Variants in TMEM108 observed in about 807,000 individuals in gnomAD.
TMEM108 encodes transmembrane protein 108.
Under a neutral mutation model 35.1 loss-of-function variants are expected in TMEM108, and 12 were observed. That is an observed-to-expected ratio of 0.34 (90% CI 0.22 to 0.55). The LOEUF (loss-of-function observed/expected upper bound fraction) is 0.55. TMEM108 is among the 20% of genes least tolerant of loss of function. The pLI, the probability that TMEM108 is intolerant of heterozygous loss-of-function variation, is 0.89. For synonymous variants in TMEM108, 287 were observed against 308.6 expected, an observed-to-expected ratio of 0.93 and a Z score of 0.73; for missense variants, 680 against 753.3, an observed-to-expected ratio of 0.90 and a Z score of 1.14.
At position 133,390,192 on chromosome 3, in the gene TMEM108, C is replaced by T. The variant is rs780357828; in HGVS notation, c.1463C>T (p.Thr488Met). Residue 488 changes from threonine (T) to methionine (M), a missense_variant, in exon 5 of 6, where the codon ACG (threonine) becomes ATG (methionine). By Grantham distance (81) the Thr-to-Met change is moderately conservative. Around this residue, in one of 3 missense-constraint regions of TMEM108, gnomAD observed 105 missense variants for 150.7 expected, o/e 0.70. Coordinates refer to ENST00000321871, the MANE Select transcript of TMEM108 (RefSeq NM_023943.4). ...VPISSCSVLL[T>M]VCCMKRKKKT... ...ACTCTCTCCATAGCTGTCCTGCTGA[C>T]GGTGTGCTGCATGAAGAGGAAGAAG... 9 of 1,614,030 alleles carry T rather than the reference C, an allele frequency of 5.6e-6. No homozygotes were observed. Among genetic ancestry groups the T allele is most frequent in the Admixed American group, 5.0e-5 (3 of 60,002 alleles).
At chr3:133,271,236 G>A (rs537550405) in intron 3 of TMEM108, among the ~76,000 whole-genome samples, 5 of 152,180 alleles carry the variant, frequency 3.3e-5, no homozygotes, top group Non-Finnish European at 5.9e-5. Flanking sequence ...GAGTTCTGCT[G>A]TAGAACGGAA....
intron 3 of TMEM108, among the ~76,000 whole-genome samples, chr3:133,334,819 G>A (rs1469814548): frequency 6.6e-6 from 1 of 152,122 alleles, no homozygotes; most frequent in East Asian, 1.9e-4. Context: ...GGTGTTCCTG[G>A]CATCAGGATA....
At chr3:133,260,822 A>G (rs1177190438) in intron 3 of TMEM108, among the ~76,000 whole-genome samples, 1 of 152,168 alleles carries the variant, frequency 6.6e-6, no homozygotes, top group African/African-American at 2.4e-5. Flanking sequence ...GACAAATTGG[A>G]CTAAGGTGGT....
intron 2 of TMEM108, among the ~76,000 whole-genome samples, chr3:133,111,503 A>G (rs1944223551): frequency 6.6e-6 from 1 of 152,122 alleles, no homozygotes; most frequent in African/African-American, 2.4e-5. Flanking sequence ...ATATATCTGT[A>G]TGGAGGCCCA....
At chr3:133,332,086 A>G (rs74875296) in intron 3 of TMEM108, among the ~76,000 whole-genome samples, 2,363 of 40,914 alleles carry the variant, frequency 0.058, 23 homozygotes, top group East Asian at 0.11. Flanking sequence ...GCACGTGCAC[A>G]CACACACACA....
chr3:133,096,780 T>C (rs1944020649), intron 2 of TMEM108, among the ~76,000 whole-genome samples: 1 of 152,230 alleles, frequency 6.6e-6, no homozygotes, highest in Non-Finnish European at 1.5e-5. Flanking sequence ...CAAGTATATC[T>C]AAATAATTTG....
At chr3:133,287,528 T>A (rs923125482) in intron 3 of TMEM108, among the ~76,000 whole-genome samples, 2 of 152,182 alleles carry the variant, frequency 1.3e-5, no homozygotes, top group African/African-American at 4.8e-5. Flanking sequence ...TGCCAAAAAA[T>A]GTTTTTGCTT....
chr3:133,287,055 C>G (rs1320935095), intron 3 of TMEM108, among the ~76,000 whole-genome samples: 1 of 152,136 alleles, frequency 6.6e-6, no homozygotes, highest in Non-Finnish European at 1.5e-5. Flanking sequence ...TAAAAACAGG[C>G]AGGGAGCTTG....
chr3:133,132,785 A>G (rs1398777585), intron 2 of TMEM108, among the ~76,000 whole-genome samples: 2 of 152,056 alleles, frequency 1.3e-5, no homozygotes. Context: ...CCTTCTGGAA[A>G]GGATTCAGCA....
At chr3:133,392,098 T>C (rs1288901041) in intron 5 of TMEM108, among the ~76,000 whole-genome samples, 1 of 151,324 alleles carries the variant, frequency 6.6e-6, no homozygotes, top group Non-Finnish European at 1.5e-5. Context: ...CCAACCTCTA[T>C]TCACTGGAGC....
chr3:133,131,239 G>A (rs566583007), intron 2 of TMEM108, among the ~76,000 whole-genome samples: 1 of 152,000 alleles, frequency 6.6e-6, no homozygotes, highest in Non-Finnish European at 1.5e-5. Flanking sequence ...CTCCTCTTTT[G>A]GAGATGAAAT....
intron 2 of TMEM108, among the ~76,000 whole-genome samples, chr3:133,214,879 T>C (rs530696274): frequency 2.6e-5 from 4 of 152,200 alleles, no homozygotes; most frequent in Admixed American, 1.3e-4. Flanking sequence ...ATGTTCCTTA[T>C]AAGAATCTAA....
intron 3 of TMEM108, among the ~76,000 whole-genome samples, chr3:133,270,057 T>C (rs1240465407): frequency 6.6e-6 from 1 of 152,200 alleles, no homozygotes; most frequent in African/African-American, 2.4e-5. Context: ...CTCAGCTTAA[T>C]AGGCATCATA....
At chr3:133,050,091 A>G (rs1283144231) in intron 2 of TMEM108, among the ~76,000 whole-genome samples, 1 of 152,166 alleles carries the variant, frequency 6.6e-6, no homozygotes, top group Admixed American at 6.5e-5. Flanking sequence ...AAGATGTGGA[A>G]ATATAGACAC....
chr3:133,054,089 C>G (rs777706526), intron 2 of TMEM108, among the ~76,000 whole-genome samples: 4 of 152,120 alleles, frequency 2.6e-5, no homozygotes, highest in African/African-American at 4.8e-5. Context: ...TGAGACCCCA[C>G]TGGGGTAGAG....
intron 2 of TMEM108, among the ~76,000 whole-genome samples, chr3:133,201,665 G>A (rs1945668162): frequency 6.6e-6 from 1 of 152,098 alleles, no homozygotes; most frequent in African/African-American, 2.4e-5. Context: ...ATTCCATGTT[G>A]TATATGTGCC....
chr3:133,241,464 G>A (rs899897427), intron 3 of TMEM108, among the ~76,000 whole-genome samples: 2 of 152,188 alleles, frequency 1.3e-5, no homozygotes, highest in African/African-American at 4.8e-5. Flanking sequence ...GCAGCTCCTT[G>A]AAGATAAATC....
At chr3:133,372,398 G>T (rs571940192) in intron 3 of TMEM108, among the ~76,000 whole-genome samples, 1 of 152,130 alleles carries the variant, frequency 6.6e-6, no homozygotes, top group Non-Finnish European at 1.5e-5. Context: ...CTGAAAATTT[G>T]TCATTCTTCC....
chr3:133,110,338 G>T (rs534192308), intron 2 of TMEM108, among the ~76,000 whole-genome samples: 10 of 152,188 alleles, frequency 6.6e-5, no homozygotes, highest in Non-Finnish European at 5.9e-5. Flanking sequence ...GAAATAAAAA[G>T]TTGGTGCTGG....
Sources: gnomAD v4.1 joint callset for allele counts (sites outside exome capture counted in the v4.1 genomes callset) on GRCh38, gnomAD v4.1.1 for gene constraint, gnomAD v4.1.1 regional missense constraint, MANE v1.5 for transcripts, NCBI Gene and HGNC (gene_info 2026-07-23, HGNC 2026-07-21) for gene names.